Variants in CTXND1 observed in about 807,000 individuals in gnomAD.
CTXND1 encodes cortexin domain containing 1, also known as cortexin domain-containing 1 protein.
At chr15:80,220,776 A>G (rs1893305836) in intron 1 of CTXND1, among the ~76,000 whole-genome samples, 1 of 151,860 alleles carries the variant, frequency 6.6e-6, no homozygotes. Flanking sequence ...TTTGTGGTTT[A>G]TAGTATTGAT....
In CTXND1 at chr15:80,201,150, G is replaced by A. The variant is rs1335427170; in HGVS notation, c.*620C>T. On this transcript the variant is annotated 3_prime_UTR_variant, in exon 3 of 3. Coordinates refer to ENST00000560778, the MANE Select transcript of CTXND1 (RefSeq NM_001352888.2). The stretch of plus-strand genomic sequence containing the variant: ...CTGCATTTTCCCAAGTTTCTAAAAT[G>A]TACATTTTATTTATAACAGGAAAAA... The A allele has an allele frequency of 2.0e-5, 3 of 151,976 alleles. No individual in the cohort carries two copies. The highest frequency in any genetic ancestry group is 7.3e-5 in the African/African-American group (3 of 41,344). The allele number at this position is 151,976 out of a possible 1,614,324, so 9.4% of individuals were successfully genotyped here.
chr15:80,213,551 C>T (rs558722072), intron 1 of CTXND1, among the ~76,000 whole-genome samples: 3 of 152,038 alleles, frequency 2.0e-5, no homozygotes, highest in Non-Finnish European at 4.4e-5. Flanking sequence ...GGCAATGTGA[C>T]CCACAGAAGC....
chr15:80,244,131 A>C (rs1893602359), intron 1 of CTXND1, among the ~76,000 whole-genome samples: 1 of 152,200 alleles, frequency 6.6e-6, no homozygotes, highest in Admixed American at 6.5e-5. Flanking sequence ...CAACCAAGCC[A>C]TTGTTATTAC....
rs191108885 is a variant in CTXND1, at chr15:80,222,289, C to T, written c.-217-18549G>A. Among the ~76,000 whole-genome samples the T allele has an allele frequency of 7.9e-5, 12 of 152,206 alleles. No homozygotes were observed. The East Asian group carries it at 2.3e-3, about 29-fold the overall frequency. ...CACATGTACCAATCATCCAGATGAT[C>T]AATTATGAATATTATACCACTCTTA... On this transcript the variant is annotated intron_variant, in intron 1 of 2. Coordinates refer to ENST00000560778, the MANE Select transcript of CTXND1 (RefSeq NM_001352888.2).
intron 1 of CTXND1, among the ~76,000 whole-genome samples, chr15:80,220,165 C>T (rs1044924899): frequency 4.5e-4 from 60 of 132,336 alleles, no homozygotes; most frequent in South Asian, 1.7e-3. Context: ...ATCTATCTAT[C>T]TATCTATTTA....
rs903866328 is a variant in CTXND1 at position 80,197,910 on chromosome 15, G to A, written c.*3860C>T. On this transcript the variant is annotated 3_prime_UTR_variant, in exon 3 of 3. Transcript: ENST00000560778. ...CAGGGAGACACTGATCTTTCAACTC[G>A]ATAAGAACATGTAGACATTTCAGCA... The A allele has an allele frequency of 6.6e-6, 1 of 152,164 alleles. No homozygotes were observed. Among genetic ancestry groups the A allele is most frequent in the Non-Finnish European group, 1.5e-5 (1 of 68,040 alleles). 9.4% of individuals were successfully genotyped at this position (152,164 alleles called of 1,614,324 possible). A position where few individuals can be genotyped will look rare whatever the true frequency, so the allele number is the denominator to read the frequency against.
At chr15:80,242,311 A>T (rs958771280) in intron 1 of CTXND1, among the ~76,000 whole-genome samples, 32 of 152,102 alleles carry the variant, frequency 2.1e-4, no homozygotes, top group African/African-American at 6.8e-4. Flanking sequence ...ATCTGCAGAA[A>T]CTCTCCTGGC....
At chr15:80,231,488 A>G (rs1179583781) in intron 1 of CTXND1, among the ~76,000 whole-genome samples, 1 of 152,218 alleles carries the variant, frequency 6.6e-6, no homozygotes, top group Non-Finnish European at 1.5e-5. Flanking sequence ...ACATGGCTCT[A>G]AACCATGGGA....
chr15:80,226,473 C>T (rs1384538149), intron 1 of CTXND1, among the ~76,000 whole-genome samples: 6 of 152,194 alleles, frequency 3.9e-5, no homozygotes, highest in Non-Finnish European at 8.8e-5. Context: ...CTCTGGCCCT[C>T]CTGCTAGTGT....
intron 1 of CTXND1, among the ~76,000 whole-genome samples, chr15:80,236,844 G>C (rs996409803): frequency 5.3e-5 from 8 of 151,774 alleles, no homozygotes; most frequent in Non-Finnish European, 1.2e-4. Flanking sequence ...TAGTGGCATG[G>C]TAGCCCTCTT....
rs113598129 is a variant in CTXND1 at position 80,225,067 on chromosome 15, C to T, written c.-217-21327G>A. The stretch of plus-strand genomic sequence containing the variant: ...CTTCTGAACATTTCTGAATGCCTCA[C>T]AATGCCTTTCTTTTATCCTTATACG... On this transcript the variant is annotated intron_variant, in intron 1 of 2. Transcript: ENST00000560778. Among the ~76,000 whole-genome samples the T allele has an allele frequency of 3.7e-3, 564 of 152,340 alleles. 5 individuals are homozygous for T. The highest frequency in any genetic ancestry group is 0.013 in the African/African-American group (540 of 41,586).
chr15:80,223,059 G>A (rs1263643564), intron 1 of CTXND1, among the ~76,000 whole-genome samples: 1 of 152,108 alleles, frequency 6.6e-6, no homozygotes, highest in South Asian at 2.1e-4. Context: ...AGGTCTATGA[G>A]ATTTATTCAT....
chr15:80,229,594 T>C (rs1195905917), intron 1 of CTXND1, among the ~76,000 whole-genome samples: 1 of 152,208 alleles, frequency 6.6e-6, no homozygotes, highest in Admixed American at 6.5e-5. Flanking sequence ...CATTCTTACA[T>C]TGAAACTCTG....
intron 1 of CTXND1, among the ~76,000 whole-genome samples, chr15:80,221,070 G>A (rs145214695): frequency 0.017 from 2,535 of 151,828 alleles, 65 homozygotes; most frequent in African/African-American, 0.057. Context: ...CACCACGCTC[G>A]ACTAATTTTT....
At chr15:80,223,976 A>G (rs1893347395) in intron 1 of CTXND1, among the ~76,000 whole-genome samples, 1 of 152,292 alleles carries the variant, frequency 6.6e-6, no homozygotes, top group South Asian at 2.1e-4. Flanking sequence ...AATGAGGTAG[A>G]AATGATGCTG....
chr15:80,225,557 C>T (rs1221415527), intron 1 of CTXND1, among the ~76,000 whole-genome samples: 2 of 152,132 alleles, frequency 1.3e-5, no homozygotes, highest in East Asian at 3.8e-4. Context: ...CTTTTCCCAT[C>T]CCTCTGTCCT....
rs192432215 is a variant in CTXND1, at chr15:80,244,125, C to G, written c.-218+7882G>C. Among the ~76,000 whole-genome samples, 8 of 152,328 alleles carry G rather than the reference C, an allele frequency of 5.3e-5. No individual in the cohort carries two copies. The East Asian group carries it at 1.5e-3, about 29-fold the overall frequency. Reference sequence around the variant, plus strand: ...GGAGGTGGGAAATGGGAAGATCAACCAAGCCATTGTTATTACCTTTCTCTC... The same window carrying G: ...GGAGGTGGGAAATGGGAAGATCAACGAAGCCATTGTTATTACCTTTCTCTC... On this transcript the variant is annotated intron_variant, in intron 1 of 2. Coordinates refer to ENST00000560778, the MANE Select transcript of CTXND1 (RefSeq NM_001352888.2).
At chr15:80,242,582 G>A (rs1262874670) in intron 1 of CTXND1, among the ~76,000 whole-genome samples, 5 of 152,238 alleles carry the variant, frequency 3.3e-5, no homozygotes, top group Non-Finnish European at 7.3e-5. Flanking sequence ...TAAATCCCAG[G>A]TCACAACACG....
chr15:80,242,046 G>A (rs1595910604), intron 1 of CTXND1, among the ~76,000 whole-genome samples: 1 of 152,222 alleles, frequency 6.6e-6, no homozygotes, highest in Non-Finnish European at 1.5e-5. Flanking sequence ...GCTCAGAGAG[G>A]CTACCTGGTC....
Sources: gnomAD v4.1 joint callset for allele counts (sites outside exome capture counted in the v4.1 genomes callset) on GRCh38, gnomAD v4.1.1 for gene constraint, MANE v1.5 for transcripts, NCBI Gene and HGNC (gene_info 2026-07-23, HGNC 2026-07-21) for gene names.